The following VGLL1 variants were observed in gnomAD, a reference collection of about 807,000 sequenced individuals.
VGLL1 encodes vestigial like family member 1, also known as transcription cofactor vestigial-like protein 1.
In VGLL1, 4 loss-of-function variants were observed where a neutral mutation model predicts 12.0. The ratio of observed to expected loss-of-function variants is 0.33; its 90% CI spans 0.16 to 0.76. The LOEUF (loss-of-function observed/expected upper bound fraction) is 0.76, where lower values mean the gene tolerates loss of function less well. Among genes scored for constraint, VGLL1 ranks in the 30% least tolerant of loss-of-function variants. The pLI is 0.60. For synonymous variants in VGLL1, 87 were observed against 81.2 expected (o/e 1.07, Z -0.39); for missense variants, 204 against 208.7 (o/e 0.98, Z 0.14).
At chrX:136,537,303 G>A (rs2075842578) in intron 2 of VGLL1, among the ~76,000 whole-genome samples, 1 of 110,514 alleles carries the variant, frequency 9.0e-6, no homozygotes, top group Admixed American at 9.6e-5. Context: ...AGCCTGGGAG[G>A]TTGAGGCTGC....
At position 136,537,619 on chromosome X, in the gene VGLL1, G is replaced by A. The variant is rs753381025; in HGVS notation, c.214+1385G>A. Reference sequence around the variant, plus strand: ...CTGTTGCTCAGGCTGGAATGTGGTGGCGCGATCATAACTCACTGCAGCCAC... The same window carrying A: ...CTGTTGCTCAGGCTGGAATGTGGTGACGCGATCATAACTCACTGCAGCCAC... On this transcript the variant is annotated intron_variant, in intron 2 of 4. Transcript: ENST00000370634. 9.9e-5 allele frequency among the ~76,000 whole-genome samples: 11 copies of A among 111,323 alleles called. No homozygotes were observed. The South Asian group carries it at 4.1e-3, about 42-fold the overall frequency.
intron 2 of VGLL1, among the ~76,000 whole-genome samples, chrX:136,536,940 G>A (rs968641241): frequency 2.7e-5 from 3 of 111,909 alleles, no homozygotes; most frequent in African/African-American, 6.6e-5. Flanking sequence ...ACATAAATTA[G>A]AATCTTGCTG....
Position 136,548,913 on chromosome X carries a change from G to A in VGLL1, c.539G>A (p.Arg180His), listed in dbSNP as rs200583788. 4.4e-5 allele frequency: 53 copies of A among 1,210,590 alleles called. No homozygotes were observed. Among genetic ancestry groups the A allele is most frequent in the Non-Finnish European group, 3.6e-5 (32 of 895,360 alleles). Residue 180 changes from arginine (R) to histidine (H), a missense_variant, in exon 3 of 5, where the codon CGT (arginine) becomes CAT (histidine). By Grantham distance (29) the Arg-to-His change is conservative (BLOSUM62 0). Coordinates refer to ENST00000370634, the MANE Select transcript of VGLL1 (RefSeq NM_016267.4). ...CTCCAGCAAGACAGATGCCTAGCCC[G>A]TCCTCAGGAATCTGCCGCCAGGGAG... ...SLLQQDRCLA[R>H]PQESAARENG... is the part of the protein sequence containing the mutation.
At chrX:136,555,943 G>A (rs752711409) in intron 4 of VGLL1, among the ~76,000 whole-genome samples, 1 of 111,197 alleles carries the variant, frequency 9.0e-6, no homozygotes, top group African/African-American at 3.3e-5. Flanking sequence ...GTGCAGAGAA[G>A]GCAAATGGGG....
At chrX:136,537,214 T>A (rs1178154855) in intron 2 of VGLL1, among the ~76,000 whole-genome samples, 1 of 109,852 alleles carries the variant, frequency 9.1e-6, no homozygotes, top group Non-Finnish European at 1.9e-5. Context: ...TACAAAAAAA[T>A]TTAAAGAAAT....
rs576535387 is a variant in VGLL1, at chrX:136,538,608, G to A, written c.214+2374G>A. ...GACTTGCTCCCACTGGAAGACGTAC[G>A]TACCTCCAAGTAGGGGCTTTTGTGT... On this transcript the variant is annotated intron_variant, in intron 2 of 4. Coordinates refer to ENST00000370634, the MANE Select transcript of VGLL1 (RefSeq NM_016267.4). Among the ~76,000 whole-genome samples, 16 of 112,499 alleles carry A rather than the reference G, an allele frequency of 1.4e-4. No individual in the cohort carries two copies. In the South Asian group the frequency reaches 4.8e-3, roughly 34 times the overall value.
chrX:136,548,347 A>G (rs901213686), intron 2 of VGLL1, among the ~76,000 whole-genome samples: 1 of 111,700 alleles, frequency 9.0e-6, no homozygotes, highest in Non-Finnish European at 1.9e-5. Context: ...ATGAAGCAAA[A>G]ATGGCTTGAA....
chrX:136,532,645 CTTTCTTTCTTTCTTTCT>C lies in VGLL1; in HGVS notation c.-26+353_-26+369del, dbSNP rs1464101372. On this transcript the variant is annotated intron_variant, in intron 1 of 4. Transcript: ENST00000370634. ...TCTTTCTTTCTTTCTTTCTTTCTTT[CTTTCTTTCTTTCTTTCT>C]TTTTCTTTCTTTCTTCTTTCTTTCT... Among the ~76,000 whole-genome samples, 110 of 78,035 alleles carry C rather than the reference CTTTCTTTCTTTCTTTCT, an allele frequency of 1.4e-3. 1 individual carries two copies. The highest frequency in any genetic ancestry group is 2.2e-3 in the East Asian group (6 of 2,688). 67.8% of individuals were successfully genotyped at this position (78,035 alleles called of 115,157 possible).
chrX:136,533,685 T>G (rs1201403181), intron 1 of VGLL1, among the ~76,000 whole-genome samples: 1 of 111,914 alleles, frequency 8.9e-6, no homozygotes, highest in Non-Finnish European at 1.9e-5. Flanking sequence ...AGTTGCTGCC[T>G]GCGTTATCTG....
At chrX:136,545,401 G>A (rs182184466) in intron 2 of VGLL1, among the ~76,000 whole-genome samples, 23 of 111,603 alleles carry the variant, frequency 2.1e-4, no homozygotes, top group South Asian at 1.5e-3. Flanking sequence ...ACTTTTTCAG[G>A]GCCACTATGT....
At chrX:136,538,195 C>T in intron 2 of VGLL1, among the ~76,000 whole-genome samples, 1 of 112,233 alleles carries the variant, frequency 8.9e-6, no homozygotes, top group South Asian at 3.7e-4. Flanking sequence ...AAACATCACA[C>T]TAGCAGGGGC....
At chrX:136,546,147 G>T (rs980935392) in intron 2 of VGLL1, among the ~76,000 whole-genome samples, 1 of 111,854 alleles carries the variant, frequency 8.9e-6, no homozygotes, top group Non-Finnish European at 1.9e-5. Flanking sequence ...CTGCCCTGGG[G>T]CTCCCTCTCT....
intron 2 of VGLL1, among the ~76,000 whole-genome samples, chrX:136,544,276 T>C (rs2075864006): frequency 8.9e-6 from 1 of 112,603 alleles, no homozygotes; most frequent in Non-Finnish European, 1.9e-5. Flanking sequence ...ACTTTGAACA[T>C]CCTTGTGGGT....
Position 136,556,461 on chromosome X carries a change from G to C in VGLL1, c.699G>C (p.Glu233Asp). 5 of 1,210,441 alleles carry C rather than the reference G, an allele frequency of 4.1e-6. No homozygotes were observed. Among genetic ancestry groups the C allele is most frequent in the Non-Finnish European group, 4.5e-6 (4 of 894,600 alleles). ...STSLPNETLS[E>D]LETPGKYSLT... The stretch of plus-strand genomic sequence containing the variant: ...TAACTTCTCCTTTAGCTCTTTCAGA[G>C]TTAGAGACACCTGGGAAATACTCAC... The change falls in exon 5 of 5, where the codon GAG becomes GAC. Residue 233 changes from glutamate to aspartate, a missense_variant. Transcript: ENST00000370634.
chrX:136,548,506 AT>A (rs2148532619), intron 2 of VGLL1, 82 bp from the exon 3 acceptor site: 1 of 963,967 alleles, frequency 1.0e-6, no homozygotes, highest in East Asian at 3.1e-5. Flanking sequence ...GTTAAAAAAA[AT>A]AGAGTATGTA....
At chrX:136,535,449 G>C (rs1778823903) in intron 1 of VGLL1, among the ~76,000 whole-genome samples, 2 of 111,847 alleles carry the variant, frequency 1.8e-5, no homozygotes, top group African/African-American at 6.5e-5. Flanking sequence ...GTAGGTGTAG[G>C]ACACAGTCTT....
intron 2 of VGLL1, among the ~76,000 whole-genome samples, 165 bp from the exon 3 acceptor site, chrX:136,548,424 C>A (rs1401702083): frequency 9.0e-6 from 1 of 111,258 alleles, no homozygotes; most frequent in Non-Finnish European, 1.9e-5. Flanking sequence ...AGTACACCTA[C>A]GGAGGACAAT....
intron 4 of VGLL1, among the ~76,000 whole-genome samples, chrX:136,551,202 G>A (rs1206492504): frequency 9.1e-6 from 1 of 109,358 alleles, no homozygotes; most frequent in African/African-American, 3.3e-5. Flanking sequence ...CAGATGTTCA[G>A]TTTTCAGCCT....
chrX:136,541,386 C>T (rs765030070), intron 2 of VGLL1, among the ~76,000 whole-genome samples: 9 of 111,836 alleles, frequency 8.0e-5, no homozygotes, highest in Middle Eastern at 4.6e-3. Context: ...GAGTGTGGTG[C>T]GGGCTAGGCA....
Sources: gnomAD v4.1 joint callset for allele counts (sites outside exome capture counted in the v4.1 genomes callset) on GRCh38, gnomAD v4.1.1 for gene constraint, MANE v1.5 for transcripts, NCBI Gene and HGNC (gene_info 2026-07-23, HGNC 2026-07-21) for gene names.